FAM200B: variants seen among roughly 807,000 people sequenced by gnomAD.
The protein encoded by FAM200B is protein FAM200B.
FAM200B carries 32 observed loss-of-function variants against 33.1 expected under a neutral mutation model. The ratio of observed to expected loss-of-function variants is 0.97; its 90% CI spans 0.73 to 1.30. The LOEUF is 1.30. Among genes scored for constraint, FAM200B ranks in the 50% most tolerant of loss-of-function variants. The pLI is 0.00. For synonymous variants in FAM200B, 240 were observed against 264.8 expected (o/e 0.91, Z 0.91); for missense variants, 741 against 754.0 (o/e 0.98, Z 0.20).
At chr4:15,664,194 A>C in the FAM200B span, among the ~76,000 whole-genome samples, 1 of 152,142 alleles carries the variant, frequency 6.6e-6, no homozygotes, top group East Asian at 1.9e-4. Flanking sequence ...TATCTTAATA[A>C]GACACATAGT....
the FAM200B span, among the ~76,000 whole-genome samples, chr4:15,642,368 G>T: frequency 1.3e-5 from 2 of 151,868 alleles, no homozygotes; most frequent in East Asian, 3.9e-4. Flanking sequence ...GAGTAGCTGG[G>T]ACTACAGGTG....
At chr4:15,677,820 G>C (rs1419094744), upstream of FAM200B, among the ~76,000 whole-genome samples, 2 of 152,188 alleles carry the variant, frequency 1.3e-5, no homozygotes, top group Non-Finnish European at 2.9e-5. Context: ...TGGGGAGTAG[G>C]TCATGGGAAT....
At chr4:15,671,711 T>G in the FAM200B span, among the ~76,000 whole-genome samples, 1 of 152,174 alleles carries the variant, frequency 6.6e-6, no homozygotes, top group African/African-American at 2.4e-5. Flanking sequence ...CATTACACAC[T>G]AGGGTGCTTA....
the FAM200B span, among the ~76,000 whole-genome samples, chr4:15,659,185 G>A: frequency 1.3e-5 from 2 of 152,178 alleles, no homozygotes; most frequent in Non-Finnish European, 2.9e-5. Context: ...CTGACATTAT[G>A]TAATAATGTT....
the FAM200B span, among the ~76,000 whole-genome samples, chr4:15,663,982 G>A: frequency 6.6e-6 from 1 of 152,140 alleles, no homozygotes; most frequent in African/African-American, 2.4e-5. Context: ...ATGAATTGTA[G>A]GCACTCTTAT....
chr4:15,677,499 C>T (rs1050272490), upstream of FAM200B, among the ~76,000 whole-genome samples: 1 of 152,164 alleles, frequency 6.6e-6, no homozygotes, highest in African/African-American at 2.4e-5. Context: ...AGGATTAAAA[C>T]TTTTAGCCCA....
Position 15,689,130 on chromosome 4 carries a change from C to A in FAM200B, c.*179C>A. 1 of 467,022 alleles carries A rather than the reference C, an allele frequency of 2.1e-6. No homozygotes were observed. Among genetic ancestry groups the A allele is most frequent in the Non-Finnish European group, 3.7e-6 (1 of 273,964 alleles). 28.9% of individuals were successfully genotyped at this position (467,022 alleles called of 1,614,324 possible). ...AAATTTAATGAATTTCTGTTAGAGGCCAGGAACTATTCTAGAGACATTTGG... is the reference window on the plus strand; with the variant it reads ...AAATTTAATGAATTTCTGTTAGAGGACAGGAACTATTCTAGAGACATTTGG... On this transcript the variant is annotated 3_prime_UTR_variant, in exon 2 of 2. Transcript: ENST00000422728.
chr4:15,680,157 G>C (rs1718164822), upstream of FAM200B, among the ~76,000 whole-genome samples: 1 of 151,956 alleles, frequency 6.6e-6, no homozygotes, highest in Middle Eastern at 3.4e-3. Flanking sequence ...TATTGAAGGA[G>C]AGACCGAGTG....
chr4:15,642,599 C>T, the FAM200B span, among the ~76,000 whole-genome samples: 1 of 152,068 alleles, frequency 6.6e-6, no homozygotes, highest in Non-Finnish European at 1.5e-5. Flanking sequence ...TCTCTTTTTC[C>T]AGAACTAATT....
At position 15,686,851 on chromosome 4, in the gene FAM200B, C is replaced by T. The variant is rs1048525819; in HGVS notation, c.-127C>T. 2.7e-5 allele frequency: 13 copies of T among 487,232 alleles called. No homozygotes were observed. The highest frequency in any genetic ancestry group is 1.6e-4 in the African/African-American group (8 of 49,488). 30.2% of individuals were successfully genotyped at this position (487,232 alleles called of 1,614,324 possible). Reference sequence around the variant, plus strand: ...AACTAGTTGTGAAGTCTGAAATATTCGATTCAATTGCAAACTTTGAGTGTA... The same window carrying T: ...AACTAGTTGTGAAGTCTGAAATATTTGATTCAATTGCAAACTTTGAGTGTA... On this transcript the variant is annotated 5_prime_UTR_variant, in exon 2 of 2. Coordinates refer to ENST00000422728, the MANE Select transcript of FAM200B (RefSeq NM_001145191.2).
the FAM200B span, among the ~76,000 whole-genome samples, chr4:15,668,082 T>C: frequency 6.6e-6 from 1 of 151,758 alleles, no homozygotes; most frequent in East Asian, 1.9e-4. Flanking sequence ...AACTATCAAC[T>C]TAATCGAAAA....
At chr4:15,672,970 G>T in the FAM200B span, among the ~76,000 whole-genome samples, 1 of 152,060 alleles carries the variant, frequency 6.6e-6, no homozygotes, top group East Asian at 1.9e-4. Context: ...ACAATCAACA[G>T]TATCACTGTC....
chr4:15,639,329 G>A, the FAM200B span, among the ~76,000 whole-genome samples: 2 of 152,110 alleles, frequency 1.3e-5, no homozygotes, highest in Admixed American at 6.5e-5. Context: ...CTGCCTTCTG[G>A]TACTAGAGTA....
At chr4:15,655,478 A>T in the FAM200B span, 115 of 791,360 alleles carry the variant, frequency 1.5e-4, no homozygotes, top group Admixed American at 3.1e-4. Flanking sequence ...GGCCCACGTG[A>T]CCGGGCGCGC....
chr4:15,675,342 CAAAT>C, the FAM200B span, among the ~76,000 whole-genome samples: 1 of 152,064 alleles, frequency 6.6e-6, no homozygotes, highest in South Asian at 2.1e-4. Context: ...ATAAGTACCA[CAAAT>C]AAAAATTATT....
At chr4:15,675,531 G>GAACCTTCA in the FAM200B span, among the ~76,000 whole-genome samples, 7 of 147,822 alleles carry the variant, frequency 4.7e-5, no homozygotes, top group Non-Finnish European at 1.5e-5. Flanking sequence ...TCAAGGAGTT[G>GAACCTTCA]AACCTTCACT....
chr4:15,649,130 CAT>C, the FAM200B span, among the ~76,000 whole-genome samples: 1 of 151,218 alleles, frequency 6.6e-6, no homozygotes, highest in African/African-American at 2.4e-5. Flanking sequence ...AAATCCTCAA[CAT>C]GTTTGTTGAT....
At chr4:15,667,027 T>C in the FAM200B span, among the ~76,000 whole-genome samples, 5 of 152,250 alleles carry the variant, frequency 3.3e-5, no homozygotes, top group African/African-American at 1.2e-4. Context: ...TTAAAATTAC[T>C]GGATGTTGCA....
At chr4:15,664,417 G>C in the FAM200B span, among the ~76,000 whole-genome samples, 2 of 151,994 alleles carry the variant, frequency 1.3e-5, no homozygotes, top group Non-Finnish European at 2.9e-5. Flanking sequence ...AATTCCTATT[G>C]AACAGGACCC....
Sources: gnomAD v4.1 joint callset for allele counts (sites outside exome capture counted in the v4.1 genomes callset) on GRCh38, gnomAD v4.1.1 for gene constraint, MANE v1.5 for transcripts, NCBI Gene and HGNC (gene_info 2026-07-23, HGNC 2026-07-21) for gene names.